Variants in CLSPN observed in about 807,000 individuals in gnomAD.
The protein encoded by CLSPN is claspin, also known as claspin homolog.
A neutral mutation model predicts 156.3 loss-of-function variants in CLSPN; 85 were observed. The observed-to-expected ratio is 0.54, with a 90% CI of 0.46 to 0.65. The LOEUF is 0.65. Among genes scored for constraint, CLSPN ranks in the 30% least tolerant of loss-of-function variants. CLSPN has a pLI of 0.00. For missense variants in CLSPN, 1,407 were observed against 1,554.9 expected, an observed-to-expected ratio of 0.90 and a Z score of 1.60; for synonymous variants, 534 against 542.4, an observed-to-expected ratio of 0.98 and a Z score of 0.22.
At position 35,734,451 on chromosome 1, in the gene CLSPN, G is replaced by A. The variant is rs934755586; in HGVS notation, c.*2045C>T. On this transcript the variant is annotated 3_prime_UTR_variant, in exon 25 of 25. Transcript: ENST00000318121. ...TCCCAGCACTTTGGGAGGCCGAGAC[G>A]GGTGGATCACCTCAGGTCAGGAGTT... 31 of 776,528 alleles carry A rather than the reference G, an allele frequency of 4.0e-5. No individual in the cohort carries two copies. Among genetic ancestry groups the A allele is most frequent in the African/African-American group, 3.8e-5 (2 of 52,986 alleles). The allele number at this position is 776,528 out of a possible 1,614,324, so 48.1% of individuals were successfully genotyped here.
Position 35,739,524 on chromosome 1 carries a change from A to G in CLSPN, c.3149T>C (p.Leu1050Ser). The change falls in exon 19 of 25, where the codon TTG (leucine) becomes TCG (serine). Residue 1050 changes from leucine to serine, a missense_variant. Transcript: ENST00000318121. ...RSEKLKRQMRLRKYLEDEAEV... is the reference protein window; with the variant it reads ...RSEKLKRQMRSRKYLEDEAEV... ...TGCCTCATCCTCCAGGTATTTCCTC[A>G]ACCTCCTAGAAAGCAATTTTGAGGA... 6.2e-7 allele frequency: 1 copy of G among 1,610,550 alleles called. No homozygotes were observed. Among genetic ancestry groups the G allele is most frequent in the Non-Finnish European group, 8.5e-7 (1 of 1,178,782 alleles).
chr1:35,728,158 A>T (rs2148607527), downstream of CLSPN, among the ~76,000 whole-genome samples: 1 of 139,482 alleles, frequency 7.2e-6, no homozygotes, highest in African/African-American at 2.7e-5. Flanking sequence ...GTTTTGGCTC[A>T]TTGCAGCCAC....
chr1:35,730,662 A>G (rs1328647172), downstream of CLSPN, among the ~76,000 whole-genome samples: 1 of 151,174 alleles, frequency 6.6e-6, no homozygotes, highest in East Asian at 1.9e-4. Context: ...GCTTCTCTGA[A>G]GAAGTTAGGC....
chr1:35,745,376 C>T, intron 16 of CLSPN, 75 bp downstream of exon 16: 1 of 994,872 alleles, frequency 1.0e-6, no homozygotes, highest in African/African-American at 1.6e-5. Context: ...AGGTGCAAAG[C>T]CCTTAAGATG....
At position 35,738,113 on chromosome 1, in the gene CLSPN, AATATATAT is replaced by A. The variant is rs200967861; in HGVS notation, c.3559-24_3559-17del. 0.079 allele frequency: 28,306 copies of A among 360,138 alleles called. 1,809 individuals carry two copies. Among genetic ancestry groups the A allele is most frequent in the East Asian group, 0.37 (4,153 of 11,132 alleles). 22.3% of individuals were successfully genotyped at this position (360,138 alleles called of 1,614,324 possible). A position where few individuals can be genotyped will look rare whatever the true frequency, so the allele number is the denominator to read the frequency against. On this transcript the variant is annotated splice_polypyrimidine_tract_variant and intron_variant, in intron 21 of 24. Coordinates refer to ENST00000318121, the MANE Select transcript of CLSPN (RefSeq NM_022111.4). ...CCTGCTGTGCCTGAAAAAAAAAAAA[AATATATAT>A]ATATATATATATATATATACAGCAT...
chr1:35,732,577 C>T lies in CLSPN; in HGVS notation c.*3919G>A. ...AGAGACCTGTTTAAAGAGGTTAATA[C>T]CATGTATCCCTACTCAAGTGTATGG... On this transcript the variant is annotated 3_prime_UTR_variant, in exon 25 of 25. Coordinates refer to ENST00000318121, the MANE Select transcript of CLSPN (RefSeq NM_022111.4). The T allele has an allele frequency of 1.0e-6, 1 of 985,324 alleles. No homozygotes were observed. Among genetic ancestry groups the T allele is most frequent in the Non-Finnish European group, 1.2e-6 (1 of 829,900 alleles). 61.0% of individuals were successfully genotyped at this position (985,324 alleles called of 1,614,324 possible).
chr1:35,746,655 C>T lies in CLSPN; in HGVS notation c.2854+111G>A. 2.8e-6 allele frequency: 2 copies of T among 709,958 alleles called. No homozygotes were observed. Among genetic ancestry groups the T allele is most frequent in the South Asian group, 3.4e-5 (2 of 58,484 alleles). The allele number at this position is 709,958 out of a possible 1,614,324, so 44.0% of individuals were successfully genotyped here. A position where few individuals can be genotyped will look rare whatever the true frequency, so the allele number is the denominator to read the frequency against. ...TCAAGCGATCCATCCAACTTAGCCT[C>T]CCAAAGTTCTAGGATTACAGGCATG... On this transcript the variant is annotated intron_variant, in intron 15 of 24. Coordinates refer to ENST00000318121, the MANE Select transcript of CLSPN (RefSeq NM_022111.4). This position sits in a 1 kb window ranked among gnomAD's most constrained non-coding sequence, Gnocchi z 4.2.
intron 12 of CLSPN, 108 bp downstream of exon 12, chr1:35,749,359 G>C (rs1642003614): frequency 1.0e-6 from 1 of 1,003,012 alleles, no homozygotes; most frequent in African/African-American, 1.6e-5. Context: ...TATGAAACTG[G>C]GAAGTGACCA....
intron 1 of CLSPN, among the ~76,000 whole-genome samples, chr1:35,768,766 T>C (rs1428564257): frequency 6.6e-6 from 1 of 152,052 alleles, no homozygotes; most frequent in African/African-American, 2.4e-5. Flanking sequence ...TGTTTGTGAG[T>C]GTGGAAACCG....
Position 35,736,249 on chromosome 1 carries a change from A to T in CLSPN, c.*247T>A. The T allele has an allele frequency of 1.8e-6, 2 of 1,116,098 alleles. No individual in the cohort carries two copies. The highest frequency in any genetic ancestry group is 2.2e-6 in the Non-Finnish European group (2 of 915,740). 69.1% of individuals were successfully genotyped at this position (1,116,098 alleles called of 1,614,324 possible). On this transcript the variant is annotated 3_prime_UTR_variant, in exon 25 of 25. Transcript: ENST00000318121. ...AAAAAAAAAAAAGGAAACCTCACCC[A>T]AGTATTCCATGAGTTGTTGATGTTG...
intron 18 of CLSPN, among the ~76,000 whole-genome samples, chr1:35,741,973 CAAAAAAAAAAAAA>C (rs767602385): frequency 3.6e-5 from 2 of 55,664 alleles, no homozygotes; most frequent in African/African-American, 1.9e-4. Flanking sequence ...GACTCCGTCT[CAAAAAAAAAAAAA>C]AAAAAAAAAA....
In CLSPN at chr1:35,732,959, TTTTC is replaced by T. The variant is rs1442937306; in HGVS notation, c.*3533_*3536del. 1.1e-5 allele frequency: 11 copies of T among 984,714 alleles called. No individual in the cohort carries two copies. Among genetic ancestry groups the T allele is most frequent in the Non-Finnish European group, 1.3e-5 (11 of 829,486 alleles). The allele number at this position is 984,714 out of a possible 1,614,324, so 61.0% of individuals were successfully genotyped here. On this transcript the variant is annotated 3_prime_UTR_variant, in exon 25 of 25. Coordinates refer to ENST00000318121, the MANE Select transcript of CLSPN (RefSeq NM_022111.4). Reference sequence around the variant, plus strand: ...TCCCAGGAGCCTCAATCAGAAACCATTTTCTTTCTTTCTTTTTTTTTTTGAGAGG... The same window carrying T: ...TCCCAGGAGCCTCAATCAGAAACCATTTTCTTTCTTTTTTTTTTTGAGAGG...
rs894686177 is a variant in CLSPN at position 35,733,638 on chromosome 1, G to A, written c.*2858C>T. ...GCAAAAACATGTATCTTGAACCCAT[G>A]GATAAAATGAAGTACATACAAACTT... On this transcript the variant is annotated 3_prime_UTR_variant, in exon 25 of 25. Transcript: ENST00000318121. 1.0e-6 allele frequency: 1 copy of A among 985,280 alleles called. No homozygotes were observed. The highest frequency in any genetic ancestry group is 1.2e-6 in the Non-Finnish European group (1 of 829,928). The allele number at this position is 985,280 out of a possible 1,614,324, so 61.0% of individuals were successfully genotyped here.
In CLSPN at chr1:35,748,469, G is replaced by A. The variant is rs760966146; in HGVS notation, c.2408C>T (p.Ala803Val). 3.1e-6 allele frequency: 5 copies of A among 1,614,026 alleles called. No homozygotes were observed. The highest frequency in any genetic ancestry group is 2.7e-5 in the African/African-American group (2 of 74,906). ...TGRGTSFFPT[A>V]GGFRSPSPGL... ...AGGGGAAGGAGATCTGAATCCTCCT[G>A]CTGTAGGGAAAAAACTGGTCCCACG... The change falls in exon 13 of 25, where the codon GCA becomes GTA. Residue 803 changes from alanine to valine, a missense_variant. Around this residue, in one of 3 missense-constraint regions of CLSPN, gnomAD observed 1,096 missense variants for 1,193.0 expected, o/e 0.92. Coordinates refer to ENST00000318121, the MANE Select transcript of CLSPN (RefSeq NM_022111.4).
At chr1:35,768,113 T>TA (rs1206896732) in intron 1 of CLSPN, among the ~76,000 whole-genome samples, 1 of 152,190 alleles carries the variant, frequency 6.6e-6, no homozygotes, top group Non-Finnish European at 1.5e-5. Context: ...CTCACGCCTG[T>TA]AATCCCAGCA....
downstream of CLSPN, among the ~76,000 whole-genome samples, chr1:35,728,310 G>C (rs367563944): frequency 2.0e-4 from 30 of 152,074 alleles, no homozygotes; most frequent in African/African-American, 7.0e-4. Context: ...TCAAACCCCT[G>C]AGTTCAAGCA....
chr1:35,766,505 C>T (rs375016979), intron 1 of CLSPN, among the ~76,000 whole-genome samples: 1 of 151,256 alleles, frequency 6.6e-6, no homozygotes, highest in East Asian at 2.0e-4. Flanking sequence ...AGCGCAACGG[C>T]GCGATCTCGG....
intron 15 of CLSPN, 104 bp from the exon 16 acceptor site, chr1:35,745,666 C>T: frequency 9.0e-6 from 7 of 778,908 alleles, no homozygotes; most frequent in Middle Eastern, 5.2e-4. Context: ...CTAAGGTAAG[C>T]TTGCCAAGAA....
Position 35,746,721 on chromosome 1 carries a change from G to T in CLSPN, c.2854+45C>A. On this transcript the variant is annotated intron_variant, in intron 15 of 24. Coordinates refer to ENST00000318121, the MANE Select transcript of CLSPN (RefSeq NM_022111.4). This position sits in a 1 kb window ranked among gnomAD's most constrained non-coding sequence, Gnocchi z 4.2. ...CCAGGGAATTCTTTTCAAGGGCACTGATACTTGGGTGTGGTAAGCTTGATA... is the reference window on the plus strand; with the variant it reads ...CCAGGGAATTCTTTTCAAGGGCACTTATACTTGGGTGTGGTAAGCTTGATA... The T allele has an allele frequency of 7.5e-7, 1 of 1,340,270 alleles. No individual in the cohort carries two copies. 83.0% of individuals were successfully genotyped at this position (1,340,270 alleles called of 1,614,324 possible). A position where few individuals can be genotyped will look rare whatever the true frequency, so the allele number is the denominator to read the frequency against.
Sources: allele counts gnomAD v4.1 joint callset (sites outside exome capture counted in the v4.1 genomes callset), GRCh38; gene constraint gnomAD v4.1.1; regional missense constraint gnomAD v4.1.1; non-coding constraint Gnocchi (gnomAD v3.1); transcripts MANE v1.5; gene names NCBI Gene and HGNC (gene_info 2026-07-23, HGNC 2026-07-21).